The following EPAS1 variants were observed in gnomAD, a reference collection of about 807,000 sequenced individuals.
EPAS1 encodes the protein endothelial PAS domain protein 1.
In EPAS1, 23 loss-of-function variants were observed where a neutral mutation model predicts 87.9. The ratio of observed to expected loss-of-function variants is 0.26; its 90% CI spans 0.19 to 0.37. EPAS1 has a LOEUF of 0.37. Among genes scored for constraint, EPAS1 ranks in the 10% least tolerant of loss-of-function variants. EPAS1 has a pLI of 1.00. For missense variants in EPAS1, 1,138 were observed against 1,120.7 expected, an observed-to-expected ratio of 1.02 and a Z score of -0.22; for synonymous variants, 508 against 444.3, an observed-to-expected ratio of 1.14 and a Z score of -1.80.
At chr2:46,355,099 A>G (rs1223980264) in intron 2 of EPAS1, among the ~76,000 whole-genome samples, 1 of 152,176 alleles carries the variant, frequency 6.6e-6, no homozygotes, top group Non-Finnish European at 1.5e-5. Context: ...GAGCCCAGCT[A>G]TGACACCCTT....
intron 1 of EPAS1, among the ~76,000 whole-genome samples, chr2:46,328,221 G>A (rs1035758807): frequency 2.0e-5 from 3 of 152,196 alleles, no homozygotes; most frequent in Non-Finnish European, 2.9e-5. Flanking sequence ...GGAAATTGGG[G>A]GCACCTCCTG....
At chr2:46,312,488 C>T (rs1046013181) in intron 1 of EPAS1, among the ~76,000 whole-genome samples, 7 of 151,806 alleles carry the variant, frequency 4.6e-5, no homozygotes, top group Admixed American at 2.0e-4. Context: ...TTAAAAATCA[C>T]TTTTGCAACT....
intron 1 of EPAS1, among the ~76,000 whole-genome samples, chr2:46,321,803 C>A (rs1683459242): frequency 6.6e-6 from 1 of 150,994 alleles, no homozygotes; most frequent in Non-Finnish European, 1.5e-5. Context: ...TGAAAGGTGT[C>A]AGGGAGAGAA....
chr2:46,359,517 C>T (rs1366342205), intron 4 of EPAS1, among the ~76,000 whole-genome samples: 2 of 152,064 alleles, frequency 1.3e-5, no homozygotes, highest in South Asian at 4.1e-4. Flanking sequence ...GTTTTATAAT[C>T]GTGATGAAGG....
At chr2:46,318,649 C>T (rs932707097) in intron 1 of EPAS1, among the ~76,000 whole-genome samples, 1 of 152,258 alleles carries the variant, frequency 6.6e-6, no homozygotes, top group Non-Finnish European at 1.5e-5. Flanking sequence ...TCTTCTTTCC[C>T]GTAAGCTCTG....
intron 1 of EPAS1, among the ~76,000 whole-genome samples, chr2:46,327,153 G>A (rs1360455733): frequency 6.6e-6 from 1 of 152,102 alleles, no homozygotes; most frequent in African/African-American, 2.4e-5. Flanking sequence ...AGATTAGACT[G>A]GATAAATGCT....
chr2:46,371,481 A>G lies in EPAS1; in HGVS notation c.886+1548A>G, dbSNP rs1263884549. 6.6e-6 allele frequency among the ~76,000 whole-genome samples: 1 copy of G among 152,172 alleles called. No individual in the cohort carries two copies. Among genetic ancestry groups the G allele is most frequent in the Non-Finnish European group, 1.5e-5 (1 of 68,034 alleles). ...TCTGGCAAAACACACACGCGCACAC[A>G]CAGACACACACACACAAACAACCTA... On this transcript the variant is annotated intron_variant, in intron 7 of 15. Transcript: ENST00000263734. The surrounding 1 kb of genome is among the most constrained non-coding windows in gnomAD (Gnocchi z 4.3).
At chr2:46,353,810 C>T (rs1168387251) in intron 2 of EPAS1, among the ~76,000 whole-genome samples, 2 of 152,240 alleles carry the variant, frequency 1.3e-5, no homozygotes, top group African/African-American at 2.4e-5. Context: ...GTTCTCCCCT[C>T]TCCAGGCTAG....
chr2:46,373,634 G>A (rs921102372), intron 7 of EPAS1, among the ~76,000 whole-genome samples: 1 of 152,202 alleles, frequency 6.6e-6, no homozygotes, highest in African/African-American at 2.4e-5. Flanking sequence ...GGGTGGGAAT[G>A]AAGATTAACT....
At chr2:46,311,173 A>G (rs1683205461) in intron 1 of EPAS1, among the ~76,000 whole-genome samples, 1 of 152,136 alleles carries the variant, frequency 6.6e-6, no homozygotes, top group Non-Finnish European at 1.5e-5. Flanking sequence ...CACTGCACCC[A>G]GCATATTTGG....
chr2:46,375,925 G>A lies in EPAS1; in HGVS notation c.1034+88G>A, dbSNP rs1684735301. 4.5e-6 allele frequency: 7 copies of A among 1,570,112 alleles called. No individual in the cohort carries two copies. Among genetic ancestry groups the A allele is most frequent in the Admixed American group, 1.7e-5 (1 of 59,870 alleles). ...ACTCAGGATGACAGGCCTAGGAGAT[G>A]CCAGGCCTCTCAGCGCCCTGGGCAC... On this transcript the variant is annotated intron_variant, in intron 8 of 15. Transcript: ENST00000263734. This position sits in a 1 kb window ranked among gnomAD's most constrained non-coding sequence, Gnocchi z 4.1.
chr2:46,378,517 A>G, intron 10 of EPAS1, 140 bp from the exon 11 acceptor site: 1 of 739,822 alleles, frequency 1.4e-6, no homozygotes, highest in Non-Finnish European at 2.4e-6. Flanking sequence ...CTTGTTAATT[A>G]GCAGCCCCTC....
chr2:46,307,367 C>G (rs1360553740), intron 1 of EPAS1, among the ~76,000 whole-genome samples: 1 of 152,134 alleles, frequency 6.6e-6, no homozygotes, highest in African/African-American at 2.4e-5. Context: ...CAAATGTTTA[C>G]CCAGATATTA....
At chr2:46,353,888 A>G (rs76418169) in intron 2 of EPAS1, among the ~76,000 whole-genome samples, 3,170 of 152,348 alleles carry the variant, frequency 0.021, 120 homozygotes, top group African/African-American at 0.073. Flanking sequence ...AACAGAGGGA[A>G]AGCCACCGGG....
intron 6 of EPAS1, among the ~76,000 whole-genome samples, chr2:46,365,591 C>A (rs896007604): frequency 5.3e-5 from 8 of 152,196 alleles, no homozygotes; most frequent in African/African-American, 1.9e-4. Flanking sequence ...CCTACAGGTA[C>A]CCTGTAACAC....
chr2:46,360,638 G>A lies in EPAS1; in HGVS notation c.455G>A (p.Gly152Asp). ...EIRENLSLKN[G>D]SGFGKKSKDM... ...GTTCTTCCCATCCTTCCACATCCAGGCTCTGGTTTTGGGAAAAAAAGCAAA... is the reference window on the plus strand; with the variant it reads ...GTTCTTCCCATCCTTCCACATCCAGACTCTGGTTTTGGGAAAAAAAGCAAA... Residue 152 changes from glycine (G) to aspartate (D), a missense_variant and splice_region_variant, in exon 5 of 16, where the codon GGC (glycine) becomes GAC (aspartate). Transcript: ENST00000263734. The surrounding 1 kb of genome is among the most constrained non-coding windows in gnomAD (Gnocchi z 4.5). 1 of 1,613,622 alleles carries A rather than the reference G, an allele frequency of 6.2e-7. No individual in the cohort carries two copies. Among genetic ancestry groups the A allele is most frequent in the Non-Finnish European group, 8.5e-7 (1 of 1,179,740 alleles).
chr2:46,377,341 C>A (rs1451778470), intron 9 of EPAS1, among the ~76,000 whole-genome samples: 1 of 152,234 alleles, frequency 6.6e-6, no homozygotes, highest in Non-Finnish European at 1.5e-5. Context: ...CCTGGAAACA[C>A]CCTTGAAGCC....
chr2:46,319,727 T>A (rs1683415514), intron 1 of EPAS1, among the ~76,000 whole-genome samples: 1 of 152,204 alleles, frequency 6.6e-6, no homozygotes, highest in Non-Finnish European at 1.5e-5. Flanking sequence ...TTGCTTATTT[T>A]CTTTGATTCA....
intron 1 of EPAS1, among the ~76,000 whole-genome samples, chr2:46,322,147 T>C (rs564520451): frequency 6.6e-6 from 1 of 152,192 alleles, no homozygotes; most frequent in African/African-American, 2.4e-5. Flanking sequence ...CTCCCAGACA[T>C]CTTGCCAAGC....
Sources: allele counts gnomAD v4.1 joint callset (sites outside exome capture counted in the v4.1 genomes callset), GRCh38; gene constraint gnomAD v4.1.1; non-coding constraint Gnocchi (gnomAD v3.1); transcripts MANE v1.5; gene names NCBI Gene and HGNC (gene_info 2026-07-23, HGNC 2026-07-21).